The following LAMA4 variants were observed in gnomAD, a reference collection of about 807,000 sequenced individuals.
LAMA4 encodes laminin subunit alpha 4, also known as laminin subunit alpha-4.
Under a neutral mutation model 207.1 loss-of-function variants are expected in LAMA4, and 127 were observed. That is an observed-to-expected ratio of 0.61 (90% CI 0.53 to 0.71). The LOEUF (loss-of-function observed/expected upper bound fraction) is 0.71, where lower values mean the gene tolerates loss of function less well. Ranked by LOEUF, LAMA4 falls within the 30% of genes least tolerant of loss-of-function variation. The probability of loss-of-function intolerance (pLI) is 0.00; values close to 1 mark genes in which losing one functional copy is unlikely to be tolerated. For missense variants in LAMA4, 2,093 were observed against 2,246.5 expected, an observed-to-expected ratio of 0.93 and a Z score of 1.38; for synonymous variants, 761 against 816.0, an observed-to-expected ratio of 0.93 and a Z score of 1.15.
chr6:112,216,548 A>G (rs994991619), intron 2 of LAMA4, 79 bp from the exon 3 acceptor site: 24 of 915,994 alleles, frequency 2.6e-5, no homozygotes, highest in Non-Finnish European at 4.0e-5. Context: ...AAATCAGAGA[A>G]AGTGATTATT....
intron 4 of LAMA4, among the ~76,000 whole-genome samples, chr6:112,204,031 C>T (rs1264567543): frequency 1.3e-5 from 2 of 152,172 alleles, no homozygotes; most frequent in Non-Finnish European, 2.9e-5. Flanking sequence ...CAACTTTTGA[C>T]TTCATTTCTT....
chr6:112,118,231 A>G lies in LAMA4; in HGVS notation c.4822-333T>C, dbSNP rs1346058572. On this transcript the variant is annotated intron_variant, in intron 34 of 38. Transcript: ENST00000230538. The surrounding 1 kb of genome is among the most constrained non-coding windows in gnomAD (Gnocchi z 4.6). ...CAAGAATGACAGCTGTGCCAAGATC[A>G]CCTAAGGCTGATGAGGGCTAGCAAA... Among the ~76,000 whole-genome samples the G allele has an allele frequency of 6.6e-6, 1 of 152,218 alleles. No individual in the cohort carries two copies. The highest frequency in any genetic ancestry group is 2.4e-5 in the African/African-American group (1 of 41,456).
intron 18 of LAMA4, among the ~76,000 whole-genome samples, chr6:112,145,336 C>G (rs1779957711): frequency 6.6e-6 from 1 of 152,236 alleles, no homozygotes; most frequent in Non-Finnish European, 1.5e-5. Context: ...GAGGGAGAGC[C>G]AGGGCTCAAC....
chr6:112,134,415 GC>G lies in LAMA4; in HGVS notation c.3557+51del, dbSNP rs1779213202. The stretch of plus-strand genomic sequence containing the variant: ...TGTTACTAGACCTCTCCTGGATGTT[GC>G]CAGCCCAGTACATTGCTAGGAACAA... On this transcript the variant is annotated intron_variant, in intron 26 of 38. Transcript: ENST00000230538. 5.9e-5 allele frequency: 94 copies of G among 1,592,220 alleles called. 2 individuals carry two copies. In the South Asian group the frequency reaches 1.0e-3, roughly 17 times the overall value.
At chr6:112,194,546 C>T (rs538789627) in intron 5 of LAMA4, among the ~76,000 whole-genome samples, 1 of 152,196 alleles carries the variant, frequency 6.6e-6, no homozygotes, top group African/African-American at 2.4e-5. Context: ...AATGAGCATA[C>T]AAAAGTTTAC....
intron 16 of LAMA4, among the ~76,000 whole-genome samples, chr6:112,151,780 A>G (rs1780418597): frequency 6.6e-6 from 1 of 152,056 alleles, no homozygotes; most frequent in South Asian, 2.1e-4. Flanking sequence ...TAATTGCTGA[A>G]TATTATTTTA....
chr6:112,128,883 T>C (rs1554328518), intron 31 of LAMA4, 39 bp downstream of exon 31: 1 of 1,582,390 alleles, frequency 6.3e-7, no homozygotes, highest in African/African-American at 1.3e-5. Context: ...GCATGGAAAA[T>C]GATGACAATT....
chr6:112,201,718 A>T, intron 4 of LAMA4, 30 bp from the exon 5 acceptor site: 1 of 1,548,370 alleles, frequency 6.5e-7, no homozygotes. Context: ...TTGGAAGTCA[A>T]TTCCATACAT....
chr6:112,179,078 A>G (rs1242968689), intron 9 of LAMA4: 1 of 152,114 alleles, frequency 6.6e-6, no homozygotes, highest in Non-Finnish European at 1.5e-5. Flanking sequence ...ATCAACATTG[A>G]TGGCACTTGT....
rs782515075 is a variant in LAMA4, at chr6:112,155,635, A to C, written c.1889T>G (p.Ile630Ser). The C allele has an allele frequency of 6.8e-6, 11 of 1,614,096 alleles. No homozygotes were observed. Among genetic ancestry groups the C allele is most frequent in the African/African-American group, 1.3e-5 (1 of 75,052 alleles). The change falls in exon 15 of 39, where the codon ATT (isoleucine) becomes AGT (serine). Residue 630 changes from isoleucine (I) to serine (S), a missense_variant. Ile to Ser is a moderately radical substitution (Grantham distance 142). Coordinates refer to ENST00000230538, the MANE Select transcript of LAMA4 (RefSeq NM_001105206.3). ...ALDASNVYENIVNYVSEANET... is the reference protein window; with the variant it reads ...ALDASNVYENSVNYVSEANET... ...ATTGGCTTCACTAACATAATTAACA[A>C]TATTTTCATAGACATTTGATGCATC...
Position 112,117,333 on chromosome 6 carries a change from C to T in LAMA4, c.4981+406G>A, listed in dbSNP as rs140052499. On this transcript the variant is annotated intron_variant, in intron 35 of 38. Coordinates refer to ENST00000230538, the MANE Select transcript of LAMA4 (RefSeq NM_001105206.3). The surrounding 1 kb of genome is among the most constrained non-coding windows in gnomAD (Gnocchi z 4.5). ...AGAAATAAAAATTTCTGAAGGATAA[C>T]GTTGTCTGCTGGTGTTGCAAGTCAT... is the stretch of plus-strand genomic sequence containing the variant. 1.6e-4 allele frequency among the ~76,000 whole-genome samples: 25 copies of T among 152,268 alleles called. No individual in the cohort carries two copies. The highest frequency in any genetic ancestry group is 3.6e-4 in the African/African-American group (15 of 41,548).
At chr6:112,224,423 C>T (rs1389967189) in intron 2 of LAMA4, among the ~76,000 whole-genome samples, 2 of 152,160 alleles carry the variant, frequency 1.3e-5, no homozygotes, top group African/African-American at 4.8e-5. Context: ...ACTGGCTCTG[C>T]TTCCTTCATG....
chr6:112,128,022 G>A (rs1554328201), intron 31 of LAMA4, among the ~76,000 whole-genome samples: 1 of 152,104 alleles, frequency 6.6e-6, no homozygotes, highest in East Asian at 1.9e-4. Context: ...GCATGTGAGT[G>A]GTTGAAGTGA....
At chr6:112,235,681 A>ATCTTTCT (rs1326814632) in intron 2 of LAMA4, among the ~76,000 whole-genome samples, 2 of 152,164 alleles carry the variant, frequency 1.3e-5, no homozygotes, top group Non-Finnish European at 2.9e-5. Context: ...TTTGAAATAG[A>ATCTTTCT]TCTTTCTTTC....
Position 112,189,110 on chromosome 6 carries a change from T to C in LAMA4, c.814A>G (p.Ser272Gly). The C allele has an allele frequency of 6.2e-7, 1 of 1,605,780 alleles. No individual in the cohort carries two copies. The change falls in exon 7 of 39, where the codon AGC becomes GGC. Residue 272 changes from serine (S) to glycine (G), a missense_variant and splice_region_variant. Ser to Gly is a moderately conservative substitution (Grantham distance 56, BLOSUM62 0). Around this residue, in one of 3 missense-constraint regions of LAMA4, gnomAD observed 1,704 missense variants for 1,788.4 expected, o/e 0.95. Coordinates refer to ENST00000230538, the MANE Select transcript of LAMA4 (RefSeq NM_001105206.3). ...PPTGMDCPTI[S>G]CDKCVWDLTD... is the part of the protein sequence containing the mutation. ...GTCAATCATGTACTGTTATTTTTAC[T>C]TATGGTTGGGCAGTCCATGCCTGTA... is the stretch of plus-strand genomic sequence containing the variant.
chr6:112,212,725 T>G (rs1393844805), intron 3 of LAMA4, among the ~76,000 whole-genome samples: 2 of 152,218 alleles, frequency 1.3e-5, no homozygotes, highest in Non-Finnish European at 2.9e-5. Flanking sequence ...AAAGTTTTCA[T>G]GAAAGGATTA....
chr6:112,109,461 G>T lies in LAMA4; in HGVS notation c.5448C>A (p.Ser1816Arg), dbSNP rs782574592. 1.9e-6 allele frequency: 3 copies of T among 1,613,922 alleles called. No homozygotes were observed. Among genetic ancestry groups the T allele is most frequent in the Non-Finnish European group, 2.5e-6 (3 of 1,179,998 alleles). Residue 1816 changes from serine (S) to arginine (R), a missense_variant, in exon 39 of 39, where the codon AGC (serine) becomes AGA (arginine). Physicochemically the swap from Ser to Arg is moderately radical, Grantham distance 110. Coordinates refer to ENST00000230538, the MANE Select transcript of LAMA4 (RefSeq NM_001105206.3). ...GTCAGGCTGCTGGACAGGAGTTGAT[G>T]CTTACGGCGCCGCTGACCAGGGCTG... The part of the protein sequence containing the change: ...SKAALVSGAV[S>R]INSCPAA
At chr6:112,171,133 C>T (rs752644947) in intron 12 of LAMA4, among the ~76,000 whole-genome samples, 26 of 151,946 alleles carry the variant, frequency 1.7e-4, no homozygotes, top group Non-Finnish European at 2.6e-4. Context: ...AAGGCAGAAC[C>T]GTGATGAAAC....
chr6:112,190,979 TC>T (rs1554348817), intron 6 of LAMA4, among the ~76,000 whole-genome samples: 1 of 147,526 alleles, frequency 6.8e-6, no homozygotes, highest in East Asian at 2.0e-4. Flanking sequence ...TTTCTTTCTT[TC>T]TTTCTTTCCT....
Sources: allele counts gnomAD v4.1 joint callset (sites outside exome capture counted in the v4.1 genomes callset), GRCh38; gene constraint gnomAD v4.1.1; regional missense constraint gnomAD v4.1.1; non-coding constraint Gnocchi (gnomAD v3.1); transcripts MANE v1.5; gene names NCBI Gene and HGNC (gene_info 2026-07-23, HGNC 2026-07-21).